ACE: variants seen among roughly 807,000 people sequenced by gnomAD.
The protein encoded by ACE is angiotensin-converting enzyme.
In ACE, 122 loss-of-function variants were observed where a neutral mutation model predicts 162.3. The observed-to-expected ratio is 0.75, with a 90% CI of 0.65 to 0.87. The LOEUF (loss-of-function observed/expected upper bound fraction) is 0.87, where lower values mean the gene tolerates loss of function less well. ACE is among the 40% of genes least tolerant of loss of function. The pLI is 0.00. For missense variants in ACE, 1,799 were observed against 1,735.1 expected (o/e 1.04, Z -0.65); for synonymous variants, 796 against 720.6 (o/e 1.10, Z -1.68).
intron 13 of ACE, chr17:63,485,629 A>G: frequency 2.2e-6 from 1 of 451,856 alleles, no homozygotes; most frequent in Non-Finnish European, 4.2e-6. Context: ...TACAAAAATT[A>G]GCCGGGTGTG....
At chr17:63,478,336 C>T (rs1302285636) in intron 2 of ACE, 1 of 579,166 alleles carries the variant, frequency 1.7e-6, no homozygotes, top group South Asian at 2.0e-5. Flanking sequence ...AATTCAAATA[C>T]ACTTCTCCCT....
chr17:63,477,328 G>C lies in ACE; in HGVS notation c.234G>C (p.Glu78Asp), dbSNP rs1377377204. The stretch of plus-strand genomic sequence containing the variant: ...CGCACGACACCAACATCACCGCGGA[G>C]AATGCAAGGCGCCAGGTGGGCGCCC... ...SWAHDTNITA[E>D]NARRQEEAAL... Residue 78 changes from glutamate (E) to aspartate (D), a missense_variant, in exon 1 of 25, where the codon GAG (glutamate) becomes GAC (aspartate). Coordinates refer to ENST00000290866, the MANE Select transcript of ACE (RefSeq NM_000789.4). The C allele has an allele frequency of 3.7e-6, 5 of 1,357,968 alleles. No homozygotes were observed. The highest frequency in any genetic ancestry group is 4.8e-6 in the Non-Finnish European group (5 of 1,043,002). The allele number at this position is 1,357,968 out of a possible 1,614,324, so 84.1% of individuals were successfully genotyped here.
chr17:63,496,894 C>T lies in ACE; in HGVS notation c.3600C>T (p.Tyr1200=), dbSNP rs771913893. 4 of 1,613,704 alleles carry T rather than the reference C, an allele frequency of 2.5e-6. No individual in the cohort carries two copies. The highest frequency in any genetic ancestry group is 1.3e-5 in the African/African-American group (1 of 75,066). Residue 1200 remains tyrosine (Y), a synonymous_variant, in exon 24 of 25, where the codon TAC becomes TAT. Coordinates refer to ENST00000290866, the MANE Select transcript of ACE (RefSeq NM_000789.4). ...TGAGCGCCTCGGCCATGTTGAGCTA[C>T]TTCAAGCCGCTGCTGGACTGGCTCC... is the stretch of plus-strand genomic sequence containing the variant. ...PNMSASAMLS[Y]FKPLLDWLRT...
Position 63,477,228 on chromosome 17 carries a change from G to C in ACE, c.134G>C (p.Gly45Ala), listed in dbSNP as rs763151946. 1.3e-6 allele frequency: 2 copies of C among 1,502,148 alleles called. No individual in the cohort carries two copies. The highest frequency in any genetic ancestry group is 1.8e-6 in the Non-Finnish European group (2 of 1,129,232). The allele number at this position is 1,502,148 out of a possible 1,614,324, so 93.1% of individuals were successfully genotyped here. A position where few individuals can be genotyped will look rare whatever the true frequency, so the allele number is the denominator to read the frequency against. ...QPGNFSADEA[G>A]AQLFAQSYNS... ...GGCAACTTTTCTGCTGACGAGGCCG[G>C]GGCGCAGCTCTTCGCGCAGAGCTAC... Residue 45 changes from glycine to alanine, a missense_variant, in exon 1 of 25, where the codon GGG (glycine) becomes GCG (alanine). Coordinates refer to ENST00000290866, the MANE Select transcript of ACE (RefSeq NM_000789.4).
chr17:63,493,733 G>A (rs2030542283), intron 20 of ACE, 74 bp downstream of exon 20: 2 of 1,544,112 alleles, frequency 1.3e-6, no homozygotes, highest in Non-Finnish European at 1.8e-6. Flanking sequence ...TGGGAAAGGG[G>A]CACTTAGTGG....
In ACE at chr17:63,477,911, GC is replaced by G. The variant is rs1456954663; in HGVS notation, c.250-17del. 1 of 1,602,706 alleles carries G rather than the reference GC, an allele frequency of 6.2e-7. No individual in the cohort carries two copies. Among genetic ancestry groups the G allele is most frequent in the Non-Finnish European group, 8.5e-7 (1 of 1,174,752 alleles). On this transcript the variant is annotated intron_variant, in intron 1 of 24. Transcript: ENST00000290866. The stretch of plus-strand genomic sequence containing the variant: ...CTAAGCAGGGTCCTACACCCTCCCT[GC>G]CCTCCTGGTGCCCAATAGGAGGAAG...
intron 13 of ACE, 76 bp from the exon 14 acceptor site, chr17:63,486,481 T>G: frequency 6.4e-7 from 1 of 1,559,546 alleles, no homozygotes; most frequent in East Asian, 2.3e-5. Context: ...AGCCCTCAGC[T>G]CCCACTTGGG....
intron 17 of ACE, among the ~76,000 whole-genome samples, chr17:63,489,474 A>C (rs1035321953): frequency 2.6e-5 from 4 of 152,168 alleles, no homozygotes; most frequent in South Asian, 4.1e-4. Flanking sequence ...GGCTTTGCCA[A>C]GAGGTGGCCT....
At position 63,497,671 on chromosome 17, in the gene ACE, T is replaced by C. The variant is rs1336977688; in HGVS notation, c.*305T>C. ...AGCCAGGGACAGGGACAGGCTGCTT[T>C]CCTGCCTCCTGGCAGTCAAGTGGGT... is the stretch of plus-strand genomic sequence containing the variant. On this transcript the variant is annotated 3_prime_UTR_variant, in exon 25 of 25. Transcript: ENST00000290866. The C allele has an allele frequency of 3.4e-6, 2 of 589,968 alleles. No homozygotes were observed. The highest frequency in any genetic ancestry group is 6.3e-6 in the Non-Finnish European group (2 of 319,236). 36.5% of individuals were successfully genotyped at this position (589,968 alleles called of 1,614,324 possible).
At position 63,481,075 on chromosome 17, in the gene ACE, T is replaced by C; in HGVS notation, c.848-16T>C. 2 of 1,612,962 alleles carry C rather than the reference T, an allele frequency of 1.2e-6. No individual in the cohort carries two copies. ...CCAGGCAGGGAGCCAAGCTGTCCCC[T>C]TCCTTCCTTATCTAGGAGACATGTG... On this transcript the variant is annotated splice_polypyrimidine_tract_variant and intron_variant, in intron 5 of 24. Transcript: ENST00000290866.
In ACE at chr17:63,477,345, TG is replaced by T; in HGVS notation, c.249+5del. On this transcript the variant is annotated splice_donor_region_variant and intron_variant, in intron 1 of 24. Transcript: ENST00000290866. ...ACCGCGGAGAATGCAAGGCGCCAGG[TG>T]GGCGCCCGGGCCCGGGCGGGGGCGG... 1 of 1,215,352 alleles carries T rather than the reference TG, an allele frequency of 8.2e-7. No homozygotes were observed. 75.3% of individuals were successfully genotyped at this position (1,215,352 alleles called of 1,614,324 possible).
At chr17:63,477,463 C>T in intron 1 of ACE, 120 bp downstream of exon 1, 1 of 809,202 alleles carries the variant, frequency 1.2e-6, no homozygotes, top group Non-Finnish European at 1.5e-6. Flanking sequence ...CGACCCCGGA[C>T]CCTCGCCCCG....
intron 10 of ACE, 100 bp downstream of exon 10, chr17:63,483,658 A>G (rs2029861212): frequency 1.5e-6 from 2 of 1,358,936 alleles, no homozygotes; most frequent in African/African-American, 3.2e-5. Context: ...GCTTGTCCCC[A>G]TGCTCCTCCA....
chr17:63,488,689 C>CA lies in ACE; in HGVS notation c.2347_2348insA (p.Leu783HisfsTer111), dbSNP rs2030155032. The CA allele has an allele frequency of 1.2e-6, 2 of 1,613,504 alleles. No homozygotes were observed. The highest frequency in any genetic ancestry group is 1.3e-5 in the African/African-American group (1 of 74,820). ...GGCCACGTCCCGGAAATATGAAGAC[C>CA]TGTTATGGGCATGGGAGGGCTGGCG... On this transcript the variant is annotated frameshift_variant, in exon 16 of 25. Coordinates refer to ENST00000290866, the MANE Select transcript of ACE (RefSeq NM_000789.4). LOFTEE classifies it high-confidence loss of function.
rs959531460 is a variant in ACE, at chr17:63,477,416, G to A, written c.249+73G>A. 4.4e-6 allele frequency: 5 copies of A among 1,139,358 alleles called. No individual in the cohort carries two copies. The African/African-American group carries it at 8.2e-5, about 19-fold the overall frequency. The allele number at this position is 1,139,358 out of a possible 1,614,324, so 70.6% of individuals were successfully genotyped here. ...ATCACAGCACGCGGCCGGCTTGTGGGGCGGGCAGGCTGGCGCCCCCGACCC... is the reference window on the plus strand; with the variant it reads ...ATCACAGCACGCGGCCGGCTTGTGGAGCGGGCAGGCTGGCGCCCCCGACCC... On this transcript the variant is annotated intron_variant, in intron 1 of 24. Coordinates refer to ENST00000290866, the MANE Select transcript of ACE (RefSeq NM_000789.4).
At chr17:63,487,561 A>G (rs2030042020) in intron 15 of ACE, among the ~76,000 whole-genome samples, 1 of 151,998 alleles carries the variant, frequency 6.6e-6, no homozygotes, top group African/African-American at 2.4e-5. Flanking sequence ...TGAGCCTCTG[A>G]TTCCTCTCAC....
rs561813163 is a variant in ACE at position 63,481,566 on chromosome 17, G to A, written c.946G>A (p.Gly316Ser). Residue 316 changes from glycine to serine, a missense_variant and splice_region_variant, in exon 7 of 25, where the codon GGC becomes AGC. Gly to Ser is a moderately conservative substitution (Grantham distance 56, BLOSUM62 0). Coordinates refer to ENST00000290866, the MANE Select transcript of ACE (RefSeq NM_000789.4). ...LDVTSTMLQQ[G>S]WNATHMFRVA... Reference sequence around the variant, plus strand: ...ACCTGGCTCCACACCCCTCCTCCAGGGCTGGAACGCCACGCACATGTTCCG... The same window carrying A: ...ACCTGGCTCCACACCCCTCCTCCAGAGCTGGAACGCCACGCACATGTTCCG... The A allele has an allele frequency of 6.2e-7, 1 of 1,613,792 alleles. No homozygotes were observed. The highest frequency in any genetic ancestry group is 8.5e-7 in the Non-Finnish European group (1 of 1,180,026).
Position 63,485,269 on chromosome 17 carries a change from T to C in ACE, c.1955T>C (p.Phe652Ser). 2 of 1,613,618 alleles carry C rather than the reference T, an allele frequency of 1.2e-6. No individual in the cohort carries two copies. Among genetic ancestry groups the C allele is most frequent in the Middle Eastern group, 1.6e-4 (1 of 6,062 alleles). The change falls in exon 13 of 25, where the codon TTT (phenylalanine) becomes TCT (serine). Residue 652 changes from phenylalanine to serine, a missense_variant. By Grantham distance (155) the Phe-to-Ser change is radical (BLOSUM62 -2). Coordinates refer to ENST00000290866, the MANE Select transcript of ACE (RefSeq NM_000789.4). ...ACTGATGAGGCTGAGGCCAGCAAGTTTGTGGAGGAATATGACCGGACATCC... is the reference window on the plus strand; with the variant it reads ...ACTGATGAGGCTGAGGCCAGCAAGTCTGTGGAGGAATATGACCGGACATCC... ...LVTDEAEASK[F>S]VEEYDRTSQV... is the part of the protein sequence containing the mutation.
At chr17:63,482,901 C>G in intron 8 of ACE, 128 bp from the exon 9 acceptor site, 1 of 1,179,134 alleles carries the variant, frequency 8.5e-7, no homozygotes, top group Non-Finnish European at 1.3e-6. Context: ...CCCAGGGTCT[C>G]GAGGGCCAGC....
Sources: gnomAD v4.1 joint callset for allele counts (sites outside exome capture counted in the v4.1 genomes callset) on GRCh38, gnomAD v4.1.1 for gene constraint, MANE v1.5 for transcripts, NCBI Gene and HGNC (gene_info 2026-07-23, HGNC 2026-07-21) for gene names.